Variants in DEFB124 observed in about 807,000 individuals in gnomAD.
The protein encoded by DEFB124 is beta-defensin 124.
For synonymous variants in DEFB124, 38 were observed against 36.5 expected (o/e 1.04, Z -0.15); for missense variants, 78 against 83.1 (o/e 0.94, Z 0.24).
intron 2 of DEFB124, among the ~76,000 whole-genome samples, chr20:31,471,046 G>GTGGGGGGCTGACCCCCCCACCTCCCTCC (rs1980270327): frequency 7.8e-6 from 1 of 128,656 alleles, no homozygotes; most frequent in Admixed American, 7.5e-5. Flanking sequence ...GGCTGGCCGG[G>GTGGGGGGCTGACCCCCCCACCTCCCTCC]CGGGGGGCTG....
At chr20:31,468,971 T>C (rs1980152282) in intron 2 of DEFB124, among the ~76,000 whole-genome samples, 1 of 152,062 alleles carries the variant, frequency 6.6e-6, no homozygotes, top group South Asian at 2.1e-4. Context: ...ATCAAAGAAG[T>C]ATCCTTTAAA....
At chr20:31,468,650 T>C (rs1340335621) in intron 2 of DEFB124, among the ~76,000 whole-genome samples, 1 of 152,070 alleles carries the variant, frequency 6.6e-6, no homozygotes, top group Non-Finnish European at 1.5e-5. Context: ...TAATTTTTTG[T>C]ATTTTTAGTA....
At chr20:31,473,226 G>A (rs142316690) in intron 1 of DEFB124, among the ~76,000 whole-genome samples, 188 bp from the exon 2 acceptor site, 7 of 152,286 alleles carry the variant, frequency 4.6e-5, no homozygotes, top group African/African-American at 1.4e-4. Context: ...CACACCCTCC[G>A]GAGCCTGTTG....
intron 2 of DEFB124, among the ~76,000 whole-genome samples, chr20:31,467,987 A>C (rs111398694): frequency 0.028 from 4,222 of 152,204 alleles, 165 homozygotes; most frequent in African/African-American, 0.096. Context: ...TCCTGGGCTC[A>C]AGTGATCCTC....
At chr20:31,474,369 C>T (rs1295495783) in intron 1 of DEFB124, among the ~76,000 whole-genome samples, 2 of 152,220 alleles carry the variant, frequency 1.3e-5, no homozygotes, top group Admixed American at 1.3e-4. Flanking sequence ...CGAGGGGGTT[C>T]TGTATCAGCT....
chr20:31,474,593 C>T (rs745704186), intron 1 of DEFB124, among the ~76,000 whole-genome samples, 34 bp downstream of exon 1: 6 of 152,166 alleles, frequency 3.9e-5, no homozygotes, highest in South Asian at 2.1e-4. Flanking sequence ...GGATGGCCGA[C>T]GTCACCAGCA....
At chr20:31,470,443 C>T (rs1980221260) in intron 2 of DEFB124, among the ~76,000 whole-genome samples, 1 of 140,996 alleles carries the variant, frequency 7.1e-6, no homozygotes, top group African/African-American at 2.7e-5. Flanking sequence ...AGCCCCCCAC[C>T]TCCCTCCCGG....
rs114068552 is a variant in DEFB124 at position 31,473,270 on chromosome 20, G to A, written c.-25-232C>T. On this transcript the variant is annotated intron_variant, in intron 1 of 2. Coordinates refer to ENST00000317676, the MANE Select transcript of DEFB124 (RefSeq NM_001037500.2). ...AGGGGAGGTAGAATTTTCTGAGGCA[G>A]TGTCTAGGGTCAGAAACTAGACATC... 7.1e-3 allele frequency among the ~76,000 whole-genome samples: 1,076 copies of A among 152,298 alleles called. 15 individuals are homozygous for A. Among genetic ancestry groups the A allele is most frequent in the African/African-American group, 0.024 (1,009 of 41,552 alleles).
chr20:31,471,723 C>G (rs1487709161), intron 2 of DEFB124, among the ~76,000 whole-genome samples: 1 of 149,200 alleles, frequency 6.7e-6, no homozygotes, highest in African/African-American at 2.5e-5. Context: ...ACCTCCCAGA[C>G]GGGGTCGCAG....
At chr20:31,470,109 G>T in intron 2 of DEFB124, among the ~76,000 whole-genome samples, 1 of 128,906 alleles carries the variant, frequency 7.8e-6, no homozygotes. Flanking sequence ...CGGACGGAGC[G>T]GCTGGCCGGG....
chr20:31,472,389 A>G (rs172561), intron 2 of DEFB124, among the ~76,000 whole-genome samples: 3 of 146,242 alleles, frequency 2.1e-5, no homozygotes, highest in African/African-American at 7.5e-5. Context: ...AGAGGGAGAC[A>G]GTGGAAAGAG....
chr20:31,474,894 G>A lies in DEFB124; in HGVS notation c.-293C>T, dbSNP rs1980434206. On this transcript the variant is annotated 5_prime_UTR_variant, in exon 1 of 3. Transcript: ENST00000317676. ...ATCACTTGGGGCACTTGTTTAAAACGCAGATTCCCGAACCCCTCCCCCAGC... is the reference window on the plus strand; with the variant it reads ...ATCACTTGGGGCACTTGTTTAAAACACAGATTCCCGAACCCCTCCCCCAGC... 6.6e-6 allele frequency among the ~76,000 whole-genome samples: 1 copy of A among 152,178 alleles called. No individual in the cohort carries two copies. The highest frequency in any genetic ancestry group is 2.4e-5 in the African/African-American group (1 of 41,432).
chr20:31,470,560 A>ATCC (rs1419899194), intron 2 of DEFB124, among the ~76,000 whole-genome samples: 4 of 71,750 alleles, frequency 5.6e-5, no homozygotes, highest in East Asian at 4.8e-4. Context: ...CGGGGGGCTG[A>ATCC]CCCCACCTCC....
At chr20:31,471,663 G>A (rs1478971804) in intron 2 of DEFB124, among the ~76,000 whole-genome samples, 2 of 141,452 alleles carry the variant, frequency 1.4e-5, no homozygotes, top group Non-Finnish European at 3.1e-5. Context: ...GCTGCCGGGC[G>A]GAGGGGCTCC....
intron 2 of DEFB124, among the ~76,000 whole-genome samples, chr20:31,470,721 C>T (rs1170441879): frequency 4.3e-5 from 6 of 139,630 alleles, no homozygotes; most frequent in African/African-American, 1.6e-4. Flanking sequence ...CCCCCACCTC[C>T]CTCCCGGACG....
intron 2 of DEFB124, among the ~76,000 whole-genome samples, chr20:31,472,409 G>A (rs1335300424): frequency 1.4e-5 from 2 of 147,100 alleles, no homozygotes; most frequent in East Asian, 2.1e-4. Context: ...GAGGGAGAGG[G>A]AGACCGAGAG....
At chr20:31,466,922 C>T (rs1210034928) in intron 2 of DEFB124, among the ~76,000 whole-genome samples, 1 of 152,062 alleles carries the variant, frequency 6.6e-6, no homozygotes, top group African/African-American at 2.4e-5. Context: ...ACAATACAGC[C>T]ATGGTCCCTG....
At chr20:31,467,278 C>A (rs911193128) in intron 2 of DEFB124, among the ~76,000 whole-genome samples, 1 of 152,230 alleles carries the variant, frequency 6.6e-6, no homozygotes, top group African/African-American at 2.4e-5. Context: ...TTTTATTCAA[C>A]CCTGCCGAGC....
chr20:31,466,623 A>ATATAT (rs1274120880), intron 2 of DEFB124, among the ~76,000 whole-genome samples: 5 of 147,974 alleles, frequency 3.4e-5, no homozygotes, highest in Admixed American at 6.7e-5. Context: ...ATATATATAT[A>ATATAT]AAACCTTATC....
Sources: allele counts gnomAD v4.1 joint callset (sites outside exome capture counted in the v4.1 genomes callset), GRCh38; gene constraint gnomAD v4.1.1; transcripts MANE v1.5; gene names NCBI Gene and HGNC (gene_info 2026-07-23, HGNC 2026-07-21).